The following TENM3 variants were observed in gnomAD, a reference collection of about 807,000 sequenced individuals.
TENM3 encodes the protein teneurin transmembrane protein 3.
Under a neutral mutation model 255.1 loss-of-function variants are expected in TENM3, and 63 were observed. The ratio of observed to expected loss-of-function variants is 0.25; its 90% CI spans 0.20 to 0.30. The LOEUF (loss-of-function observed/expected upper bound fraction) is 0.30, where lower values mean the gene tolerates loss of function less well. TENM3 is among the 10% of genes least tolerant of loss of function. TENM3 has a pLI of 1.00. For synonymous variants in TENM3, 1,306 were observed against 1,322.3 expected (o/e 0.99, Z 0.27); for missense variants, 2,929 against 3,461.1 (o/e 0.85, Z 3.86).
At chr4:182,612,688 A>G (rs71620934) in intron 4 of TENM3, among the ~76,000 whole-genome samples, 3,197 of 152,254 alleles carry the variant, frequency 0.021, 73 homozygotes, top group East Asian at 0.096. Context: ...CTAACCTTTG[A>G]CAAGTTCAGT....
intron 1 of TENM3, among the ~76,000 whole-genome samples, chr4:182,314,908 T>C (rs1169560473): frequency 1.3e-5 from 2 of 152,220 alleles, no homozygotes; most frequent in African/African-American, 4.8e-5. Context: ...TTTTAAAATT[T>C]CTGTTTCCCC....
chr4:182,309,716 C>T lies in TENM3; in HGVS notation c.-75-14230C>T, dbSNP rs180913058. On this transcript the variant is annotated intron_variant, in intron 1 of 27. Transcript: ENST00000511685. Reference sequence around the variant, plus strand: ...ACACATTTTAGCAAAATAGCAATTTCGTAACAGAGGTATAATCTCTTGCTC... The same window carrying T: ...ACACATTTTAGCAAAATAGCAATTTTGTAACAGAGGTATAATCTCTTGCTC... Among the ~76,000 whole-genome samples the T allele has an allele frequency of 3.7e-3, 558 of 152,244 alleles. 4 individuals carry two copies. The highest frequency in any genetic ancestry group is 0.013 in the African/African-American group (526 of 41,550).
chr4:181,699,169 A>G, the TENM3 span, among the ~76,000 whole-genome samples: 1 of 152,136 alleles, frequency 6.6e-6, no homozygotes, highest in East Asian at 1.9e-4. Flanking sequence ...AGTGGCTCAC[A>G]CCTGTAATCC....
chr4:182,111,133 T>A, the TENM3 span, among the ~76,000 whole-genome samples: 1 of 151,688 alleles, frequency 6.6e-6, no homozygotes, highest in Non-Finnish European at 1.5e-5. Context: ...ATTATGTAGA[T>A]TTTTATTAAA....
At position 182,775,013 on chromosome 4, in the gene TENM3, G is replaced by A. The variant is rs778231553; in HGVS notation, c.5164G>A (p.Val1722Ile). The change falls in exon 24 of 28, where the codon GTT becomes ATT. Residue 1722 changes from valine to isoleucine, a missense_variant. Transcript: ENST00000511685. Reference sequence around the variant, plus strand: ...CTCACACTACCAAACAGAGCCGCACGTTCTGGCTGGCACCGCTAATCCGAC... The same window carrying A: ...CTCACACTACCAAACAGAGCCGCACATTCTGGCTGGCACCGCTAATCCGAC... The part of the protein sequence containing the change: ...LDSHYQTEPH[V>I]LAGTANPTVA... 44 of 1,613,888 alleles carry A rather than the reference G, an allele frequency of 2.7e-5. No individual in the cohort carries two copies. The Admixed American group carries it at 2.8e-4, about 10-fold the overall frequency.
chr4:182,626,612 A>G (rs1341357773), intron 4 of TENM3, among the ~76,000 whole-genome samples: 2 of 151,934 alleles, frequency 1.3e-5, no homozygotes, highest in South Asian at 2.1e-4. Context: ...CTGGCTTTGA[A>G]CTCAGACAGT....
the TENM3 span, among the ~76,000 whole-genome samples, chr4:181,888,530 A>G: frequency 1.6e-4 from 13 of 81,348 alleles, 1 homozygote; most frequent in African/African-American, 7.6e-4. Context: ...ATATATACAT[A>G]TATGTGTATA....
Position 182,653,767 on chromosome 4 carries a change from C to A in TENM3, c.989-4C>A, listed in dbSNP as rs1581222510. On this transcript the variant is annotated splice_region_variant and splice_polypyrimidine_tract_variant and intron_variant, in intron 5 of 27. Coordinates refer to ENST00000511685, the MANE Select transcript of TENM3 (RefSeq NM_001080477.4). ...TTTAAACAACTTGTGTTCTTTACCC[C>A]CAGCAATGCATCTCTTTGGCCTCAA... The A allele has an allele frequency of 6.2e-7, 1 of 1,605,958 alleles. No homozygotes were observed. Among genetic ancestry groups the A allele is most frequent in the East Asian group, 2.3e-5 (1 of 44,404 alleles).
chr4:181,936,612 A>G, the TENM3 span, among the ~76,000 whole-genome samples: 3 of 152,136 alleles, frequency 2.0e-5, no homozygotes, highest in African/African-American at 7.2e-5. Flanking sequence ...CTTTGTCACC[A>G]TGAGTAATAG....
the TENM3 span, among the ~76,000 whole-genome samples, chr4:181,484,081 C>T: frequency 2.0e-5 from 3 of 151,922 alleles, no homozygotes; most frequent in Admixed American, 1.3e-4. Flanking sequence ...GCTAAGAACG[C>T]GGTTTGGTTT....
At chr4:182,715,070 G>A (rs1407194098) in intron 13 of TENM3, among the ~76,000 whole-genome samples, 5 of 152,156 alleles carry the variant, frequency 3.3e-5, no homozygotes, top group African/African-American at 4.8e-5. Flanking sequence ...TTTTAGGAGA[G>A]ACAGGGTTTC....
the TENM3 span, among the ~76,000 whole-genome samples, chr4:181,794,719 T>C: frequency 1.3e-5 from 2 of 151,530 alleles, no homozygotes; most frequent in Non-Finnish European, 2.9e-5. Context: ...TTTATTACTT[T>C]TATTATGTAG....
chr4:182,051,343 CA>C, the TENM3 span, among the ~76,000 whole-genome samples: 189 of 131,368 alleles, frequency 1.4e-3, 3 homozygotes, highest in South Asian at 0.036. Context: ...AACTACTTCT[CA>C]AAAAAAAAAA....
chr4:181,818,001 C>T, the TENM3 span, among the ~76,000 whole-genome samples: 1 of 152,136 alleles, frequency 6.6e-6, no homozygotes, highest in East Asian at 1.9e-4. Flanking sequence ...TTGGACTTTC[C>T]TTCTAGCAAA....
intron 1 of TENM3, among the ~76,000 whole-genome samples, chr4:182,309,842 G>T (rs184329989): frequency 6.6e-6 from 1 of 152,130 alleles, no homozygotes; most frequent in African/African-American, 2.4e-5. Flanking sequence ...CTCGGACACC[G>T]GGCAATGTAC....
intron 12 of TENM3, among the ~76,000 whole-genome samples, chr4:182,701,968 T>C (rs1226726839): frequency 6.6e-6 from 1 of 152,236 alleles, no homozygotes; most frequent in Non-Finnish European, 1.5e-5. Context: ...ATGTAAAATA[T>C]AATATTTGAA....
the TENM3 span, among the ~76,000 whole-genome samples, chr4:181,679,688 G>C: frequency 6.6e-6 from 1 of 152,096 alleles, no homozygotes; most frequent in Non-Finnish European, 1.5e-5. Flanking sequence ...CACTTTAAAA[G>C]TGTATACTTT....
At chr4:182,190,316 A>G (rs1432811127) in intron 1 of TENM3, 1 of 152,216 alleles carries the variant, frequency 6.6e-6, no homozygotes, top group Non-Finnish European at 1.5e-5. Context: ...AGCAACTCAG[A>G]TAACTACAGA....
the TENM3 span, among the ~76,000 whole-genome samples, chr4:181,823,992 G>C: frequency 6.6e-6 from 1 of 152,078 alleles, no homozygotes; most frequent in Non-Finnish European, 1.5e-5. Flanking sequence ...AAAAATTGGT[G>C]CATCCTAAAA....
Sources: allele counts gnomAD v4.1 joint callset (sites outside exome capture counted in the v4.1 genomes callset), GRCh38; gene constraint gnomAD v4.1.1; transcripts MANE v1.5; gene names NCBI Gene and HGNC (gene_info 2026-07-23, HGNC 2026-07-21).